The following RAP1A variants were observed in gnomAD, a reference collection of about 807,000 sequenced individuals.
RAP1A encodes RAP1A, member of RAS oncogene family.
In RAP1A, 6 loss-of-function variants were observed where a neutral mutation model predicts 26.4. The observed-to-expected ratio is 0.23, with a 90% CI of 0.12 to 0.45. RAP1A has a LOEUF of 0.45. Among genes scored for constraint, RAP1A ranks in the 20% least tolerant of loss-of-function variants. The pLI, the probability that RAP1A is intolerant of heterozygous loss-of-function variation, is 0.99. For missense variants in RAP1A, 121 were observed against 217.2 expected (o/e 0.56, Z 2.78); for synonymous variants, 73 against 79.4 (o/e 0.92, Z 0.43).
intron 4 of RAP1A, among the ~76,000 whole-genome samples, chr1:111,700,309 A>G (rs997814348): frequency 2.0e-5 from 3 of 152,232 alleles, no homozygotes; most frequent in Non-Finnish European, 4.4e-5. Flanking sequence ...TGCAGGCTAT[A>G]CAAGCATAGC....
intron 1 of RAP1A, among the ~76,000 whole-genome samples, chr1:111,641,902 A>G (rs1659903302): frequency 6.6e-6 from 1 of 152,202 alleles, no homozygotes; most frequent in Admixed American, 6.5e-5. Context: ...TAATTTATGT[A>G]TGTTGAGCTT....
intron 1 of RAP1A, among the ~76,000 whole-genome samples, chr1:111,673,746 C>G (rs1184251328): frequency 1.3e-5 from 2 of 152,160 alleles, no homozygotes; most frequent in African/African-American, 4.8e-5. Context: ...TAGAGGTTTT[C>G]TAACTTGGCA....
At chr1:111,648,239 C>A in intron 1 of RAP1A, 32 of 472,952 alleles carry the variant, frequency 6.8e-5, no homozygotes, top group East Asian at 1.8e-4. Flanking sequence ...GACCTTTGAA[C>A]TTTTTATTGG....
intron 1 of RAP1A, among the ~76,000 whole-genome samples, chr1:111,576,882 C>T (rs183066181): frequency 1.3e-5 from 2 of 152,264 alleles, no homozygotes; most frequent in East Asian, 3.9e-4. Context: ...CTTGGGTTAC[C>T]TAAGATGAAC....
At chr1:111,706,547 A>T in intron 6 of RAP1A, 1 of 219,142 alleles carries the variant, frequency 4.6e-6, no homozygotes, top group Non-Finnish European at 7.8e-6. Context: ...GAATCACAGT[A>T]GTCTTAATCA....
At chr1:111,624,608 G>A (rs1193062587) in intron 1 of RAP1A, among the ~76,000 whole-genome samples, 1 of 152,096 alleles carries the variant, frequency 6.6e-6, no homozygotes, top group African/African-American at 2.4e-5. Context: ...CAGTTCAACA[G>A]AGAACCATGC....
At chr1:111,604,496 A>C (rs1658733010) in intron 1 of RAP1A, 1 of 152,188 alleles carries the variant, frequency 6.6e-6, no homozygotes, top group Admixed American at 6.5e-5. Context: ...AGTTCAGCTT[A>C]TACCCTTAAA....
At chr1:111,701,198 C>T (rs1417400580) in intron 4 of RAP1A, among the ~76,000 whole-genome samples, 3 of 152,170 alleles carry the variant, frequency 2.0e-5, no homozygotes, top group Non-Finnish European at 4.4e-5. Flanking sequence ...TATACTCACC[C>T]ACTAGGTAAC....
intron 1 of RAP1A, chr1:111,648,709 C>G (rs1660160142): frequency 1.7e-6 from 1 of 572,968 alleles, no homozygotes; most frequent in African/African-American, 1.9e-5. Context: ...GTCATCTTAG[C>G]CTCTCCAGCC....
chr1:111,564,193 T>A (rs1001612055), intron 1 of RAP1A, among the ~76,000 whole-genome samples: 1 of 152,246 alleles, frequency 6.6e-6, no homozygotes, highest in Admixed American at 6.5e-5. Flanking sequence ...CATTTGGACA[T>A]TGTGAAACTT....
intron 1 of RAP1A, among the ~76,000 whole-genome samples, chr1:111,679,222 G>T (rs1661217178): frequency 6.6e-6 from 1 of 152,160 alleles, no homozygotes; most frequent in African/African-American, 2.4e-5. Flanking sequence ...TTAGACAGTG[G>T]GTGTAGCTCA....
chr1:111,581,289 C>A (rs536925419), intron 1 of RAP1A, among the ~76,000 whole-genome samples: 3 of 152,212 alleles, frequency 2.0e-5, no homozygotes, highest in South Asian at 4.2e-4. Flanking sequence ...AGTGGCTAAA[C>A]ATGAAGACTG....
chr1:111,673,145 T>A (rs1388548953), intron 1 of RAP1A, among the ~76,000 whole-genome samples: 1 of 152,238 alleles, frequency 6.6e-6, no homozygotes. Context: ...TGATGTACTC[T>A]AAAGAGCACT....
chr1:111,602,259 C>T (rs754761678), intron 1 of RAP1A: 7 of 152,196 alleles, frequency 4.6e-5, no homozygotes, highest in Non-Finnish European at 8.8e-5. Flanking sequence ...ATCGGCACTT[C>T]AGCAGGATAA....
At chr1:111,625,426 A>G (rs530745237) in intron 1 of RAP1A, among the ~76,000 whole-genome samples, 4 of 152,314 alleles carry the variant, frequency 2.6e-5, no homozygotes, top group East Asian at 1.9e-4. Context: ...TGCAGTTTAT[A>G]TGACTCTAAG....
At chr1:111,559,716 G>A (rs921155740) in intron 1 of RAP1A, among the ~76,000 whole-genome samples, 3 of 152,206 alleles carry the variant, frequency 2.0e-5, no homozygotes, top group Middle Eastern at 3.4e-3. Context: ...CTGCCTTCCT[G>A]GTCTTAGGGA....
chr1:111,618,041 CA>C (rs56862044), upstream of RAP1A, among the ~76,000 whole-genome samples: 65,881 of 143,976 alleles, frequency 0.46, 14,519 homozygotes, highest in African/African-American at 0.5. Flanking sequence ...GACTCCGCCT[CA>C]AAAAAAAAAA....
At chr1:111,697,531 A>C (rs1231091253) in intron 4 of RAP1A, 34 bp downstream of exon 4, 2 of 1,607,764 alleles carry the variant, frequency 1.2e-6, no homozygotes, top group African/African-American at 1.3e-5. Context: ...GATAGATTTT[A>C]ATTTGTGAGC....
rs147282778 is a variant in RAP1A, at chr1:111,614,496, C to T, written c.-28+71987C>T. Among the ~76,000 whole-genome samples the T allele has an allele frequency of 5.8e-3, 886 of 152,318 alleles. 8 individuals are homozygous for T. The highest frequency in any genetic ancestry group is 0.014 in the Middle Eastern group (4 of 294). On this transcript the variant is annotated intron_variant, in intron 1 of 7. Transcript: ENST00000356415. ...TGGTCCTAGAAGTGTCTATGCTTTT[C>T]CTGTCAGTTCTAAGAATAATGGTGT...
Sources: allele counts gnomAD v4.1 joint callset (sites outside exome capture counted in the v4.1 genomes callset), GRCh38; gene constraint gnomAD v4.1.1; transcripts MANE v1.5; gene names NCBI Gene and HGNC (gene_info 2026-07-23, HGNC 2026-07-21).